NFATC1: variants seen among roughly 807,000 people sequenced by gnomAD.
The protein encoded by NFATC1 is nuclear factor of activated T-cells, cytoplasmic 1.
Under a neutral mutation model 76.0 loss-of-function variants are expected in NFATC1, and 22 were observed. The observed-to-expected ratio is 0.29, with a 90% confidence interval of 0.21 to 0.41. The LOEUF (loss-of-function observed/expected upper bound fraction) is 0.41, where lower values mean the gene tolerates loss of function less well. Among genes scored for constraint, NFATC1 ranks in the 10% least tolerant of loss-of-function variants. NFATC1 has a pLI of 1.00. For missense variants in NFATC1, 1,357 were observed against 1,337.7 expected (o/e 1.01, Z -0.23); for synonymous variants, 704 against 613.1 (o/e 1.15, Z -2.19).
At chr18:79,478,542 C>G (rs114420159) in intron 8 of NFATC1, among the ~76,000 whole-genome samples, 1 of 152,166 alleles carries the variant, frequency 6.6e-6, no homozygotes, top group Non-Finnish European at 1.5e-5. Context: ...TGTCCTGGCT[C>G]CTGTTACCGG....
intron 8 of NFATC1, among the ~76,000 whole-genome samples, chr18:79,475,523 C>T (rs1401558561): frequency 6.6e-6 from 1 of 151,828 alleles, no homozygotes; most frequent in African/African-American, 2.4e-5. Context: ...TTCTCATGCT[C>T]ACCGTCGACA....
At chr18:79,509,268 C>T (rs1323867952) in intron 9 of NFATC1, among the ~76,000 whole-genome samples, 1 of 152,218 alleles carries the variant, frequency 6.6e-6, no homozygotes, top group Non-Finnish European at 1.5e-5. Flanking sequence ...GCTTTGGCAC[C>T]CACATATGCA....
chr18:79,403,870 C>T (rs1033391366), intron 1 of NFATC1, among the ~76,000 whole-genome samples: 1 of 152,226 alleles, frequency 6.6e-6, no homozygotes, highest in African/African-American at 2.4e-5. Flanking sequence ...AAACCCGTGG[C>T]AGAGACGCCT....
intron 1 of NFATC1, among the ~76,000 whole-genome samples, chr18:79,402,828 A>G (rs1449650742): frequency 6.6e-6 from 1 of 152,216 alleles, no homozygotes; most frequent in Non-Finnish European, 1.5e-5. Context: ...TATTTATATC[A>G]CATTGTTAAA....
chr18:79,472,241 C>A (rs766352207), intron 8 of NFATC1, among the ~76,000 whole-genome samples: 2 of 152,160 alleles, frequency 1.3e-5, no homozygotes, highest in Non-Finnish European at 2.9e-5. Context: ...TCTGCTGGCA[C>A]TTCCCAGGCA....
chr18:79,474,202 G>A lies in NFATC1; in HGVS notation c.2092+6620G>A, dbSNP rs552974917. On this transcript the variant is annotated intron_variant, in intron 8 of 9. Transcript: ENST00000427363. ...GTCGACGTAAACCTGAGGGAAGCGT[G>A]TTCTCATGCTCACTGTCGACGTAAA... 2.2e-4 allele frequency among the ~76,000 whole-genome samples: 11 copies of A among 51,142 alleles called. 1 individual carries two copies. Among genetic ancestry groups the A allele is most frequent in the South Asian group, 2.1e-3 (2 of 970 alleles). The allele number at this position is 51,142 out of a possible 152,430, so 33.6% of individuals were successfully genotyped here. A position where few individuals can be genotyped will look rare whatever the true frequency, so the allele number is the denominator to read the frequency against.
chr18:79,397,788 T>C (rs1458607412), intron 1 of NFATC1, among the ~76,000 whole-genome samples: 1 of 152,202 alleles, frequency 6.6e-6, no homozygotes, highest in Non-Finnish European at 1.5e-5. Flanking sequence ...AAGGAGCCCC[T>C]TTCTTTTACG....
chr18:79,525,644 T>C (rs2090741874), intron 9 of NFATC1, among the ~76,000 whole-genome samples: 1 of 152,342 alleles, frequency 6.6e-6, no homozygotes, highest in African/African-American at 2.4e-5. Context: ...TTCCCCTGTG[T>C]TGATCATTTA....
chr18:79,472,620 C>T (rs993673589), intron 8 of NFATC1, among the ~76,000 whole-genome samples: 2 of 152,216 alleles, frequency 1.3e-5, no homozygotes, highest in Non-Finnish European at 1.5e-5. Flanking sequence ...GCCTTGAACA[C>T]CTGTGGCCTC....
At chr18:79,441,009 G>T (rs1462338223) in intron 3 of NFATC1, among the ~76,000 whole-genome samples, 1 of 152,176 alleles carries the variant, frequency 6.6e-6, no homozygotes, top group Non-Finnish European at 1.5e-5. Context: ...CCTCCTCCAG[G>T]CAGGACACCG....
chr18:79,434,861 G>A (rs2086717622), intron 3 of NFATC1, among the ~76,000 whole-genome samples: 2 of 152,380 alleles, frequency 1.3e-5, no homozygotes, highest in South Asian at 4.1e-4. Context: ...TGCAGATGAT[G>A]TTAATGTGAT....
In NFATC1 at chr18:79,527,931, G is replaced by A; in HGVS notation, c.*354G>A. On this transcript the variant is annotated 3_prime_UTR_variant, in exon 10 of 10. Transcript: ENST00000427363. ...ACCCCTGGGGTTCAATACTGGAAGT[G>A]CCTTATTTAACCAGACCATCAGGGC... The A allele has an allele frequency of 6.9e-6, 3 of 433,172 alleles. No individual in the cohort carries two copies. Among genetic ancestry groups the A allele is most frequent in the East Asian group, 3.2e-5 (1 of 30,788 alleles). The allele number at this position is 433,172 out of a possible 1,614,324, so 26.8% of individuals were successfully genotyped here.
chr18:79,451,809 A>G lies in NFATC1; in HGVS notation c.1896A>G (p.Lys632=). 1 of 1,609,478 alleles carries G rather than the reference A, an allele frequency of 6.2e-7. No homozygotes were observed. The change falls in exon 6 of 10, where the codon AAA becomes AAG. Residue 632 remains lysine (K), a synonymous_variant. Coordinates refer to ENST00000427363, the MANE Select transcript of NFATC1 (RefSeq NM_001278669.2). The stretch of plus-strand genomic sequence containing the variant: ...ACTCCAAGGTCATTTTCGTGGAGAA[A>G]GCCCCAGGTATGCTCTTCACCAGGG... ...LQDSKVIFVE[K]APDGHHVWEM... is the part of the protein sequence containing the mutation.
chr18:79,477,725 AC>A (rs1026587634), intron 8 of NFATC1, among the ~76,000 whole-genome samples: 13 of 152,222 alleles, frequency 8.5e-5, no homozygotes, highest in Non-Finnish European at 4.4e-5. Context: ...CTTGTAAACA[AC>A]AGACATTGAT....
rs2090811495 is a variant in NFATC1 at position 79,527,897 on chromosome 18, C to G, written c.*320C>G. 2 of 447,014 alleles carry G rather than the reference C, an allele frequency of 4.5e-6. No homozygotes were observed. The highest frequency in any genetic ancestry group is 7.3e-5 in the South Asian group (1 of 13,674). 27.7% of individuals were successfully genotyped at this position (447,014 alleles called of 1,614,324 possible). On this transcript the variant is annotated 3_prime_UTR_variant, in exon 10 of 10. Transcript: ENST00000427363. Reference sequence around the variant, plus strand: ...CACGCAGTTTGACCCCACGCCCAGCCCTTCTGGCACCCCTGGGGTTCAATA... The same window carrying G: ...CACGCAGTTTGACCCCACGCCCAGCGCTTCTGGCACCCCTGGGGTTCAATA...
chr18:79,463,717 C>A (rs938180626), intron 7 of NFATC1, among the ~76,000 whole-genome samples: 1 of 152,374 alleles, frequency 6.6e-6, no homozygotes, highest in Admixed American at 6.5e-5. Context: ...CTCCGTCCCT[C>A]TGCCTGCAGG....
intron 8 of NFATC1, among the ~76,000 whole-genome samples, chr18:79,474,575 A>G (rs1450305120): frequency 5.2e-5 from 7 of 133,868 alleles, no homozygotes; most frequent in Middle Eastern, 4.8e-3. Context: ...CGCTGTCGAC[A>G]TAAACCTGAG....
At chr18:79,487,516 C>T (rs1600896899) in intron 9 of NFATC1, among the ~76,000 whole-genome samples, 1 of 152,372 alleles carries the variant, frequency 6.6e-6, no homozygotes, top group East Asian at 1.9e-4. Context: ...TCTTCCCCAT[C>T]TAGCCCCTGG....
At chr18:79,461,491 C>A in intron 7 of NFATC1, 125 bp downstream of exon 7, 1 of 826,796 alleles carries the variant, frequency 1.2e-6, no homozygotes, top group Non-Finnish European at 2.0e-6. Flanking sequence ...TAGAATGAAA[C>A]AAATAAAAAT....
Sources: gnomAD v4.1 joint callset for allele counts (sites outside exome capture counted in the v4.1 genomes callset) on GRCh38, gnomAD v4.1.1 for gene constraint, MANE v1.5 for transcripts, NCBI Gene and HGNC (gene_info 2026-07-23, HGNC 2026-07-21) for gene names.